Variants in PTGR1 observed in about 807,000 individuals in gnomAD.
The protein encoded by PTGR1 is prostaglandin reductase 1, also known as 15-oxoprostaglandin 13-reductase.
A neutral mutation model predicts 37.7 loss-of-function variants in PTGR1; 23 were observed. The ratio of observed to expected loss-of-function variants is 0.61; its 90% CI spans 0.44 to 0.86. The LOEUF is 0.86. Among genes scored for constraint, PTGR1 ranks in the 40% least tolerant of loss-of-function variants. PTGR1 has a pLI of 0.00. For synonymous variants in PTGR1, 134 were observed against 140.0 expected, an observed-to-expected ratio of 0.96 and a Z score of 0.30; for missense variants, 351 against 394.3, an observed-to-expected ratio of 0.89 and a Z score of 0.93.
intron 1 of PTGR1, among the ~76,000 whole-genome samples, chr9:111,598,009 A>T (rs1451634222): frequency 1.4e-4 from 21 of 148,242 alleles, no homozygotes; most frequent in South Asian, 6.5e-4. Flanking sequence ...TTTTTTTTTT[A>T]AATACTTTTT....
At chr9:111,593,131 C>CAGATGAAGGGCTACAACTAGGTG in intron 3 of PTGR1, 149 bp from the exon 4 acceptor site, 1 of 1,299,294 alleles carries the variant, frequency 7.7e-7, no homozygotes, top group East Asian at 2.6e-5. Flanking sequence ...AAAACCCAGA[C>CAGATGAAGGGCTACAACTAGGTG]AGATGAAGGG....
At chr9:111,592,868 A>G (rs530089679) in intron 4 of PTGR1, 58 bp downstream of exon 4, 13 of 1,587,256 alleles carry the variant, frequency 8.2e-6, no homozygotes, top group South Asian at 4.7e-5. Context: ...GACAGGACCC[A>G]GCAGGAGGTA....
intron 3 of PTGR1, among the ~76,000 whole-genome samples, chr9:111,593,215 A>G (rs367985987): frequency 2.3e-3 from 345 of 152,186 alleles, no homozygotes; most frequent in African/African-American, 6.6e-3. Context: ...AAGCACTCTG[A>G]TTGGATTTTT....
intron 9 of PTGR1, among the ~76,000 whole-genome samples, chr9:111,551,885 A>G (rs780856841): frequency 1.3e-5 from 2 of 152,218 alleles, no homozygotes; most frequent in African/African-American, 2.4e-5. Flanking sequence ...CAGTTTATCA[A>G]TACAATATAT....
At chr9:111,572,991 A>T (rs1423292931) in intron 8 of PTGR1, among the ~76,000 whole-genome samples, 1 of 152,102 alleles carries the variant, frequency 6.6e-6, no homozygotes, top group Non-Finnish European at 1.5e-5. Context: ...CTTGCCTCTG[A>T]GCTATCCTAA....
chr9:111,583,233 T>G (rs1394058762), intron 6 of PTGR1, among the ~76,000 whole-genome samples: 2 of 152,264 alleles, frequency 1.3e-5, no homozygotes, highest in Non-Finnish European at 2.9e-5. Flanking sequence ...TAAATGCCGA[T>G]AAACTCACTA....
intron 8 of PTGR1, among the ~76,000 whole-genome samples, chr9:111,573,664 T>C (rs1032332030): frequency 2.6e-5 from 4 of 152,160 alleles, no homozygotes; most frequent in Non-Finnish European, 4.4e-5. Context: ...ATGAGGAGCT[T>C]AGAAGACTGG....
intron 9 of PTGR1, among the ~76,000 whole-genome samples, chr9:111,564,953 G>T (rs1237410214): frequency 6.6e-6 from 1 of 151,854 alleles, no homozygotes; most frequent in Admixed American, 6.6e-5. Context: ...GTGAAACCCT[G>T]TCTCTACTAA....
intron 9 of PTGR1, among the ~76,000 whole-genome samples, chr9:111,557,263 A>G (rs573541221): frequency 1.3e-4 from 20 of 151,954 alleles, no homozygotes; most frequent in African/African-American, 4.8e-4. Context: ...AATCCCAGCT[A>G]CTTGGGAGGC....
chr9:111,561,102 T>TAGAG (rs1448011286), downstream of PTGR1, among the ~76,000 whole-genome samples: 3 of 29,354 alleles, frequency 1.0e-4, no homozygotes, highest in Non-Finnish European at 1.8e-4. Flanking sequence ...TATATATATA[T>TAGAG]ATATATATAG....
At chr9:111,556,246 A>G (rs1180087735) in intron 9 of PTGR1, among the ~76,000 whole-genome samples, 1 of 152,206 alleles carries the variant, frequency 6.6e-6, no homozygotes, top group African/African-American at 2.4e-5. Context: ...GTGGGCTTCT[A>G]AGGTCTTGGG....
chr9:111,590,658 C>T (rs1829581635), intron 4 of PTGR1, among the ~76,000 whole-genome samples: 1 of 152,204 alleles, frequency 6.6e-6, no homozygotes. Context: ...TGCGTCCAGC[C>T]TTCATGTAAT....
chr9:111,559,628 T>G (rs1207911393), downstream of PTGR1, among the ~76,000 whole-genome samples: 1 of 147,802 alleles, frequency 6.8e-6, no homozygotes, highest in African/African-American at 2.6e-5. Context: ...CATACATATA[T>G]AACACACACA....
chr9:111,576,877 G>A (rs1829080342), intron 7 of PTGR1: 1 of 152,764 alleles, frequency 6.5e-6, no homozygotes, highest in African/African-American at 2.4e-5. Context: ...GATCACCTGA[G>A]GTCAGGAGTT....
rs1023014851 is a variant in PTGR1 at position 111,563,368 on chromosome 9, A to C, written c.880-137T>G. 3 of 844,698 alleles carry C rather than the reference A, an allele frequency of 3.6e-6. No individual in the cohort carries two copies. The African/African-American group carries it at 5.1e-5, about 14-fold the overall frequency. The allele number at this position is 844,698 out of a possible 1,614,324, so 52.3% of individuals were successfully genotyped here. A position where few individuals can be genotyped will look rare whatever the true frequency, so the allele number is the denominator to read the frequency against. On this transcript the variant is annotated intron_variant, in intron 9 of 9. Transcript: ENST00000407693. Reference sequence around the variant, plus strand: ...AGAGATGGAAGTCCTGTCCTCCATGAACTTGAAGTCAAGGTGGGGCAAGAT... The same window carrying C: ...AGAGATGGAAGTCCTGTCCTCCATGCACTTGAAGTCAAGGTGGGGCAAGAT...
intron 4 of PTGR1, chr9:111,589,480 C>A: frequency 1.9e-6 from 1 of 529,358 alleles, no homozygotes; most frequent in Middle Eastern, 9.9e-4. Flanking sequence ...TGGTCTTGAA[C>A]TCCTGAATTC....
At chr9:111,563,876 T>C (rs760791025) in intron 9 of PTGR1, 1 of 152,418 alleles carries the variant, frequency 6.6e-6, no homozygotes, top group Non-Finnish European at 1.5e-5. Flanking sequence ...GAGGTACAAA[T>C]AGACAGAGAA....
chr9:111,589,543 C>T (rs1829543913), intron 4 of PTGR1, among the ~76,000 whole-genome samples: 1 of 152,042 alleles, frequency 6.6e-6, no homozygotes, highest in Non-Finnish European at 1.5e-5. Flanking sequence ...AGGCGTGAGC[C>T]ACTGAAGCTG....
At chr9:111,595,838 T>G (rs910332107) in intron 2 of PTGR1, among the ~76,000 whole-genome samples, 9 of 152,018 alleles carry the variant, frequency 5.9e-5, no homozygotes, top group Non-Finnish European at 8.8e-5. Context: ...TTTCACTGTG[T>G]TAGCCAGGAT....
Sources: allele counts gnomAD v4.1 joint callset (sites outside exome capture counted in the v4.1 genomes callset), GRCh38; gene constraint gnomAD v4.1.1; transcripts MANE v1.5; gene names NCBI Gene and HGNC (gene_info 2026-07-23, HGNC 2026-07-21).